Variants in RNF150 observed in about 807,000 individuals in gnomAD.
RNF150 encodes ring finger protein 150.
A neutral mutation model predicts 39.3 loss-of-function variants in RNF150; 24 were observed. The ratio of observed to expected loss-of-function variants is 0.61; its 90% confidence interval spans 0.44 to 0.86. The LOEUF (loss-of-function observed/expected upper bound fraction) is 0.86, where lower values mean the gene tolerates loss of function less well. RNF150 is among the 40% of genes least tolerant of loss of function. The probability of loss-of-function intolerance (pLI) is 0.00; values close to 1 mark genes in which losing one functional copy is unlikely to be tolerated. For synonymous variants in RNF150, 255 were observed against 227.3 expected (o/e 1.12, Z -1.10); for missense variants, 502 against 587.8 (o/e 0.85, Z 1.51).
chr4:141,070,040 T>G lies in RNF150; in HGVS notation c.484+62285A>C, dbSNP rs574405796. Reference sequence around the variant, plus strand: ...TGGATTCATTGATTTTTTGAAGGGTTTTTTGTGTCTCTATTTCCTTCAGTT... The same window carrying G: ...TGGATTCATTGATTTTTTGAAGGGTGTTTTGTGTCTCTATTTCCTTCAGTT... On this transcript the variant is annotated intron_variant, in intron 1 of 6. Coordinates refer to ENST00000515673, the MANE Select transcript of RNF150 (RefSeq NM_020724.2). Among the ~76,000 whole-genome samples the G allele has an allele frequency of 1.5e-4, 23 of 152,288 alleles. No individual in the cohort carries two copies. The South Asian group carries it at 2.3e-3, about 15-fold the overall frequency.
chr4:141,151,455 CACACACAG>C (rs1278816067), intron 1 of RNF150, among the ~76,000 whole-genome samples: 33 of 6,770 alleles, frequency 4.9e-3, no homozygotes, highest in Non-Finnish European at 0.022. Context: ...CACACACACA[CACACACAG>C]ACACACACAC....
chr4:140,867,967 G>A lies in RNF150; in HGVS notation c.*294C>T, dbSNP rs766882269. ...AATGAAACTAAGAAATCCTAAAGGT[G>A]GCCTTTCAGTCTCTGTTTTAGGAGC... On this transcript the variant is annotated 3_prime_UTR_variant, in exon 7 of 7. Transcript: ENST00000515673. 1.3e-5 allele frequency: 4 copies of A among 297,066 alleles called. No individual in the cohort carries two copies. The highest frequency in any genetic ancestry group is 1.6e-4 in the South Asian group (1 of 6,308). The allele number at this position is 297,066 out of a possible 1,614,324, so 18.4% of individuals were successfully genotyped here.
intron 1 of RNF150, among the ~76,000 whole-genome samples, chr4:141,080,267 T>C (rs1738098534): frequency 6.6e-6 from 1 of 152,206 alleles, no homozygotes; most frequent in Non-Finnish European, 1.5e-5. Flanking sequence ...GAAATTCATC[T>C]ATTCTCCTTT....
At chr4:141,129,431 G>C (rs189446862) in intron 1 of RNF150, among the ~76,000 whole-genome samples, 257 of 152,284 alleles carry the variant, frequency 1.7e-3, no homozygotes, top group African/African-American at 6.0e-3. Flanking sequence ...CATGAAGACA[G>C]AATGTAGATT....
At chr4:140,967,900 A>C (rs796858493) in intron 1 of RNF150, 27 bp from the exon 2 acceptor site, 2 of 1,608,572 alleles carry the variant, frequency 1.2e-6, no homozygotes, top group African/African-American at 2.7e-5. Flanking sequence ...AGGAAGGGGC[A>C]ATAAAGGTTA....
intron 1 of RNF150, among the ~76,000 whole-genome samples, chr4:141,001,358 CT>C (rs1362093441): frequency 3.3e-5 from 5 of 151,974 alleles, no homozygotes; most frequent in Non-Finnish European, 2.9e-5. Flanking sequence ...TACTCTTGTA[CT>C]CTCCCTCCCT....
At chr4:141,036,628 G>T (rs1173349089) in intron 1 of RNF150, among the ~76,000 whole-genome samples, 2 of 152,212 alleles carry the variant, frequency 1.3e-5, no homozygotes, top group South Asian at 4.1e-4. Context: ...CTAAGGGTAC[G>T]CCAAAGCATC....
At chr4:141,192,776 A>G (rs1251135419) in intron 1 of RNF150, among the ~76,000 whole-genome samples, 1 of 152,164 alleles carries the variant, frequency 6.6e-6, no homozygotes, top group Non-Finnish European at 1.5e-5. Flanking sequence ...GTGCTCTTTT[A>G]TATCTCTGAC....
At chr4:140,929,201 C>T (rs1488094060) in intron 4 of RNF150, among the ~76,000 whole-genome samples, 1 of 138,350 alleles carries the variant, frequency 7.2e-6, no homozygotes, top group East Asian at 2.1e-4. Flanking sequence ...ATCCCCAAGT[C>T]TCAGTGGCCT....
At chr4:141,178,952 CT>C (rs1303345692) in intron 1 of RNF150, among the ~76,000 whole-genome samples, 3 of 147,172 alleles carry the variant, frequency 2.0e-5, no homozygotes, top group African/African-American at 8.1e-5. Context: ...CTCAATGTGA[CT>C]TTCTCTAGGA....
At chr4:141,197,469 C>T (rs1366282662) in intron 1 of RNF150, among the ~76,000 whole-genome samples, 1 of 152,102 alleles carries the variant, frequency 6.6e-6, no homozygotes, top group African/African-American at 2.4e-5. Context: ...TTAAGATAAA[C>T]CATTTTCAGA....
chr4:141,071,558 G>A (rs1005328569), intron 1 of RNF150, among the ~76,000 whole-genome samples: 8 of 152,012 alleles, frequency 5.3e-5, no homozygotes, highest in African/African-American at 1.4e-4. Flanking sequence ...TGGAAAAAAC[G>A]TGAAACATTT....
At chr4:141,086,439 T>C (rs566019206) in intron 1 of RNF150, among the ~76,000 whole-genome samples, 1 of 152,202 alleles carries the variant, frequency 6.6e-6, no homozygotes, top group African/African-American at 2.4e-5. Flanking sequence ...TATTAATGCT[T>C]TTGCTTTAAT....
At chr4:140,868,489 A>G in intron 6 of RNF150, 110 bp from the exon 7 acceptor site, 2 of 681,112 alleles carry the variant, frequency 2.9e-6, no homozygotes, top group South Asian at 3.9e-5. Flanking sequence ...AAGAGAAGGT[A>G]TTAGAAAAAT....
At chr4:141,146,812 C>T (rs1345941936) in intron 1 of RNF150, among the ~76,000 whole-genome samples, 2 of 152,168 alleles carry the variant, frequency 1.3e-5, no homozygotes, top group Non-Finnish European at 2.9e-5. Flanking sequence ...GAGAAGTATA[C>T]AATCTGCTGG....
At chr4:141,181,463 C>A (rs1286186702) in intron 1 of RNF150, among the ~76,000 whole-genome samples, 4 of 152,140 alleles carry the variant, frequency 2.6e-5, no homozygotes, top group South Asian at 2.1e-4. Context: ...GAAAGCTGAG[C>A]AATTTTATTT....
intron 5 of RNF150, among the ~76,000 whole-genome samples, chr4:140,911,660 A>G (rs773151373): frequency 1.7e-4 from 26 of 152,188 alleles, no homozygotes; most frequent in Admixed American, 8.5e-4. Flanking sequence ...CTTAGGGGGA[A>G]TATGTGAAAT....
chr4:140,884,657 C>T (rs556872525), intron 6 of RNF150, among the ~76,000 whole-genome samples: 9 of 152,274 alleles, frequency 5.9e-5, no homozygotes, highest in Middle Eastern at 3.4e-3. Context: ...GTTTGAGACA[C>T]GTGCTCAACC....
At chr4:141,081,335 A>C (rs1251353885) in intron 1 of RNF150, among the ~76,000 whole-genome samples, 1 of 152,226 alleles carries the variant, frequency 6.6e-6, no homozygotes, top group African/African-American at 2.4e-5. Flanking sequence ...AAGAAAACAC[A>C]GAAGAGAGCT....
Sources: gnomAD v4.1 joint callset for allele counts (sites outside exome capture counted in the v4.1 genomes callset) on GRCh38, gnomAD v4.1.1 for gene constraint, MANE v1.5 for transcripts, NCBI Gene and HGNC (gene_info 2026-07-23, HGNC 2026-07-21) for gene names.